Variants in MED27 observed in about 807,000 individuals in gnomAD.
The protein encoded by MED27 is mediator complex subunit 27.
Under a neutral mutation model 38.2 loss-of-function variants are expected in MED27, and 30 were observed. The ratio of observed to expected loss-of-function variants is 0.79; its 90% CI spans 0.59 to 1.07. The LOEUF is 1.07. MED27 is among the 50% of genes least tolerant of loss of function. The pLI is 0.00. For missense variants in MED27, 289 were observed against 397.5 expected (o/e 0.73, Z 2.32); for synonymous variants, 122 against 153.5 (o/e 0.79, Z 1.52).
intron 4 of MED27, among the ~76,000 whole-genome samples, chr9:131,927,690 T>C (rs1178064460): frequency 6.6e-6 from 1 of 152,194 alleles, no homozygotes; most frequent in Non-Finnish European, 1.5e-5. Flanking sequence ...GAAGCCCTGG[T>C]GCTTCCAGGC....
At chr9:131,954,466 C>T (rs1193155617) in intron 3 of MED27, among the ~76,000 whole-genome samples, 1 of 152,190 alleles carries the variant, frequency 6.6e-6, no homozygotes, top group Non-Finnish European at 1.5e-5. Flanking sequence ...TTGATGCTTG[C>T]AATGCCCTGA....
At chr9:132,065,262 G>A (rs548703722) in intron 2 of MED27, among the ~76,000 whole-genome samples, 5 of 152,262 alleles carry the variant, frequency 3.3e-5, no homozygotes, top group African/African-American at 4.8e-5. Flanking sequence ...GCACCGTGGC[G>A]GGAACTACTG....
At chr9:131,954,429 TCTA>T (rs1831055218) in intron 3 of MED27, among the ~76,000 whole-genome samples, 1 of 152,170 alleles carries the variant, frequency 6.6e-6, no homozygotes, top group African/African-American at 2.4e-5. Flanking sequence ...TGGAGCCAAA[TCTA>T]GGAGTCTACC....
intron 2 of MED27, among the ~76,000 whole-genome samples, chr9:132,031,262 T>G (rs1832953981): frequency 6.6e-6 from 1 of 152,250 alleles, no homozygotes; most frequent in African/African-American, 2.4e-5. Flanking sequence ...AATGGTGAGC[T>G]ACCCTCTACC....
Position 131,883,349 on chromosome 9 carries a change from C to T in MED27, c.723+709G>A, listed in dbSNP as rs1307308252. ...ACTGTGGGGACTGGTGGGGGTGTGG[C>T]GGTGGGGACAGAATCCTCATCAGCC... On this transcript the variant is annotated intron_variant, in intron 6 of 7. Transcript: ENST00000292035. This position sits in a 1 kb window ranked among gnomAD's most constrained non-coding sequence, Gnocchi z 4.2. Among the ~76,000 whole-genome samples, 3 of 152,078 alleles carry T rather than the reference C, an allele frequency of 2.0e-5. No individual in the cohort carries two copies. The highest frequency in any genetic ancestry group is 7.2e-5 in the African/African-American group (3 of 41,400).
chr9:131,949,805 G>T (rs1830954411), intron 3 of MED27, among the ~76,000 whole-genome samples: 1 of 152,142 alleles, frequency 6.6e-6, no homozygotes, highest in African/African-American at 2.4e-5. Flanking sequence ...AAGGCAGAAG[G>T]CTTGTCTCCA....
chr9:131,971,789 T>G (rs1352949997), intron 3 of MED27, among the ~76,000 whole-genome samples: 1 of 152,212 alleles, frequency 6.6e-6, no homozygotes, highest in Non-Finnish European at 1.5e-5. Flanking sequence ...TTAATCCTTT[T>G]CCCAGAAATG....
chr9:131,914,358 T>C (rs1295768837), intron 4 of MED27, among the ~76,000 whole-genome samples: 1 of 152,240 alleles, frequency 6.6e-6, no homozygotes, highest in Non-Finnish European at 1.5e-5. Flanking sequence ...TTGGCTTTGC[T>C]GCTAATTTGC....
chr9:131,892,537 G>A (rs1462071730), intron 5 of MED27, among the ~76,000 whole-genome samples: 5 of 152,104 alleles, frequency 3.3e-5, no homozygotes, highest in East Asian at 1.9e-4. Flanking sequence ...ACCTTTCTAC[G>A]TATTTGTTCT....
rs570247597 is a variant in MED27, at chr9:132,047,117, T to C, written c.348+30325A>G. On this transcript the variant is annotated intron_variant, in intron 2 of 7. Coordinates refer to ENST00000292035, the MANE Select transcript of MED27 (RefSeq NM_004269.4). Reference sequence around the variant, plus strand: ...ATGTATGTAAAAGACCATATATCTATATATATCTTTAAGATTGTACTTGTT... The same window carrying C: ...ATGTATGTAAAAGACCATATATCTACATATATCTTTAAGATTGTACTTGTT... Among the ~76,000 whole-genome samples, 8 of 152,284 alleles carry C rather than the reference T, an allele frequency of 5.3e-5. No homozygotes were observed. In the East Asian group the frequency reaches 1.4e-3, roughly 26 times the overall value.
At chr9:131,989,361 T>C (rs1477980948) in intron 3 of MED27, among the ~76,000 whole-genome samples, 1 of 152,200 alleles carries the variant, frequency 6.6e-6, no homozygotes, top group African/African-American at 2.4e-5. Flanking sequence ...AGCAGGAGCC[T>C]AGGATTTCTC....
chr9:131,978,170 G>A (rs1016070985), intron 3 of MED27, among the ~76,000 whole-genome samples: 1 of 152,120 alleles, frequency 6.6e-6, no homozygotes, highest in Non-Finnish European at 1.5e-5. Flanking sequence ...ACAGACACAT[G>A]TTTAACGAAA....
At position 131,957,988 on chromosome 9, in the gene MED27, G is replaced by T. The variant is rs138350046; in HGVS notation, c.480-18514C>A. Among the ~76,000 whole-genome samples, 36 of 152,102 alleles carry T rather than the reference G, an allele frequency of 2.4e-4. No individual in the cohort carries two copies. In the East Asian group the frequency reaches 6.7e-3, roughly 29 times the overall value. ...GTCTGCCTGGAGTGCAGACTGGGAGGGGGCAGATGACTGGGGTGGAGCATG... is the reference window on the plus strand; with the variant it reads ...GTCTGCCTGGAGTGCAGACTGGGAGTGGGCAGATGACTGGGGTGGAGCATG... On this transcript the variant is annotated intron_variant, in intron 3 of 7. Transcript: ENST00000292035.
At chr9:132,028,217 A>C (rs1832866821) in intron 2 of MED27, among the ~76,000 whole-genome samples, 1 of 152,190 alleles carries the variant, frequency 6.6e-6, no homozygotes, top group African/African-American at 2.4e-5. Flanking sequence ...GCAAGTCTCA[A>C]CTTGAACTTC....
At chr9:131,936,428 T>C (rs539258741) in intron 4 of MED27, among the ~76,000 whole-genome samples, 12 of 152,312 alleles carry the variant, frequency 7.9e-5, no homozygotes, top group African/African-American at 2.9e-4. Context: ...CACACAGACG[T>C]TCACTGTGCC....
intron 4 of MED27, among the ~76,000 whole-genome samples, chr9:131,932,974 A>G (rs1287845233): frequency 6.6e-6 from 1 of 152,196 alleles, no homozygotes; most frequent in East Asian, 1.9e-4. Flanking sequence ...ACACAAATCA[A>G]TTAATGTGAA....
intron 3 of MED27, among the ~76,000 whole-genome samples, chr9:132,007,646 T>C (rs1249819109): frequency 6.6e-6 from 1 of 151,960 alleles, no homozygotes; most frequent in Non-Finnish European, 1.5e-5. Context: ...CAGTCATGGA[T>C]GTGTGTTCTT....
At position 132,060,512 on chromosome 9, in the gene MED27, A is replaced by G. The variant is rs1833674538; in HGVS notation, c.348+16930T>C. On this transcript the variant is annotated intron_variant, in intron 2 of 7. Transcript: ENST00000292035. ...CCTCCCACCCGACTGTGACCACTGC[A>G]CGGTCCCACATGATGGCTCCATTTC... Among the ~76,000 whole-genome samples, 5 of 152,214 alleles carry G rather than the reference A, an allele frequency of 3.3e-5. 1 individual carries two copies. The highest frequency in any genetic ancestry group is 3.3e-4 in the Admixed American group (5 of 15,278).
At chr9:132,073,316 C>A (rs1467799879) in intron 2 of MED27, 2 of 987,034 alleles carry the variant, frequency 2.0e-6, no homozygotes, top group African/African-American at 3.5e-5. Flanking sequence ...GCAAGCAAAC[C>A]ACGAAAGGGG....
Sources: gnomAD v4.1 joint callset for allele counts (sites outside exome capture counted in the v4.1 genomes callset) on GRCh38, gnomAD v4.1.1 for gene constraint, Gnocchi (gnomAD v3.1) non-coding constraint, MANE v1.5 for transcripts, NCBI Gene and HGNC (gene_info 2026-07-23, HGNC 2026-07-21) for gene names.